The following EHBP1 variants were observed in gnomAD, a reference collection of about 807,000 sequenced individuals.
EHBP1 encodes EH domain binding protein 1, also known as EH domain-binding protein 1.
In EHBP1, 55 loss-of-function variants were observed where a neutral mutation model predicts 144.0. That is an observed-to-expected ratio of 0.38 (90% CI 0.31 to 0.48). EHBP1 has a LOEUF of 0.48. Ranked by LOEUF, EHBP1 falls within the 20% of genes least tolerant of loss-of-function variation. EHBP1 has a pLI of 0.98. For missense variants in EHBP1, 1,200 were observed against 1,364.2 expected (o/e 0.88, Z 1.90); for synonymous variants, 469 against 472.7 (o/e 0.99, Z 0.10).
intron 2 of EHBP1, among the ~76,000 whole-genome samples, chr2:62,743,150 G>A (rs1432286570): frequency 6.6e-6 from 1 of 151,932 alleles, no homozygotes; most frequent in African/African-American, 2.4e-5. Flanking sequence ...CCTAAGCATT[G>A]TCCTATGTTT....
chr2:62,985,845 A>G (rs2059164542), intron 15 of EHBP1, among the ~76,000 whole-genome samples: 1 of 152,150 alleles, frequency 6.6e-6, no homozygotes, highest in Non-Finnish European at 1.5e-5. Context: ...TCTGTACCTT[A>G]TTTTTATCCA....
At chr2:63,042,175 A>C (rs879816197) in intron 21 of EHBP1, among the ~76,000 whole-genome samples, 7 of 152,086 alleles carry the variant, frequency 4.6e-5, no homozygotes, top group Non-Finnish European at 1.0e-4. Context: ...AGTTTGTCCA[A>C]GCCAAAGTCA....
At chr2:63,034,536 T>C (rs1274258896) in intron 19 of EHBP1, among the ~76,000 whole-genome samples, 3 of 152,070 alleles carry the variant, frequency 2.0e-5, no homozygotes, top group Non-Finnish European at 2.9e-5. Flanking sequence ...TAAGCTACAA[T>C]GTAAAGTGCT....
intron 1 of EHBP1, among the ~76,000 whole-genome samples, chr2:62,684,445 G>A (rs576472803): frequency 2.6e-5 from 4 of 152,252 alleles, no homozygotes; most frequent in South Asian, 4.1e-4. Flanking sequence ...TGAAAAGTCG[G>A]TTCTTCAAGG....
intron 10 of EHBP1, among the ~76,000 whole-genome samples, chr2:62,901,826 C>T (rs1344286236): frequency 3.3e-5 from 5 of 151,842 alleles, no homozygotes; most frequent in African/African-American, 9.7e-5. Flanking sequence ...ATCAGCAGGG[C>T]GTGGCAGCGA....
chr2:62,964,310 A>C (rs1049232112), intron 14 of EHBP1, among the ~76,000 whole-genome samples: 1 of 151,888 alleles, frequency 6.6e-6, no homozygotes, highest in Non-Finnish European at 1.5e-5. Flanking sequence ...CATCAGAAAC[A>C]CTCCTTTTAT....
At position 62,780,230 on chromosome 2, in the gene EHBP1, T is replaced by C. The variant is rs77444061; in HGVS notation, c.312+8838T>C. 7.0e-4 allele frequency among the ~76,000 whole-genome samples: 106 copies of C among 152,282 alleles called. 2 individuals carry two copies. In the East Asian group the frequency reaches 0.019, roughly 27 times the overall value. ...ACTATATAAGAAGCAACAAAGCTTCTCTTATAACCCCCTCAGAATTAAACT... is the reference window on the plus strand; with the variant it reads ...ACTATATAAGAAGCAACAAAGCTTCCCTTATAACCCCCTCAGAATTAAACT... On this transcript the variant is annotated intron_variant, in intron 5 of 22. Coordinates refer to ENST00000431489, the MANE Select transcript of EHBP1 (RefSeq NM_001142616.3).
chr2:62,952,562 G>C (rs1213696447), intron 13 of EHBP1, among the ~76,000 whole-genome samples: 1 of 152,114 alleles, frequency 6.6e-6, no homozygotes, highest in Admixed American at 6.5e-5. Context: ...CCATTTGGGT[G>C]CCTAATACAT....
chr2:62,681,792 G>A (rs2033539964), intron 1 of EHBP1, among the ~76,000 whole-genome samples: 1 of 152,148 alleles, frequency 6.6e-6, no homozygotes, highest in Non-Finnish European at 1.5e-5. Context: ...AGGGAACTTG[G>A]GCCAGGGTAA....
intron 10 of EHBP1, among the ~76,000 whole-genome samples, chr2:62,914,533 C>A (rs1380795779): frequency 1.3e-5 from 2 of 151,956 alleles, no homozygotes; most frequent in Non-Finnish European, 1.5e-5. Flanking sequence ...ATAATCTCCC[C>A]AGTCAATGTT....
At chr2:63,029,831 C>T (rs575284113) in intron 19 of EHBP1, among the ~76,000 whole-genome samples, 2 of 152,108 alleles carry the variant, frequency 1.3e-5, no homozygotes, top group African/African-American at 2.4e-5. Context: ...CAGATTCAAG[C>T]GATTCTTCTG....
Position 62,926,683 on chromosome 2 carries a change from C to A in EHBP1, c.1186-16035C>A, listed in dbSNP as rs577104655. ...ATCAAAAAGACAAAAACAACAACAA[C>A]AAAAAAACAAATGCTGGAGAGGATG... On this transcript the variant is annotated intron_variant, in intron 10 of 22. Coordinates refer to ENST00000431489, the MANE Select transcript of EHBP1 (RefSeq NM_001142616.3). Among the ~76,000 whole-genome samples the A allele has an allele frequency of 8.6e-5, 13 of 151,806 alleles. No individual in the cohort carries two copies. The East Asian group carries it at 1.2e-3, about 14-fold the overall frequency.
intron 3 of EHBP1, among the ~76,000 whole-genome samples, chr2:62,760,100 A>G (rs1450112092): frequency 1.2e-4 from 19 of 152,146 alleles, no homozygotes; most frequent in Non-Finnish European, 2.8e-4. Flanking sequence ...AGCCCTCCAC[A>G]TATGCAGGTT....
chr2:62,737,244 A>G (rs1047467716), intron 2 of EHBP1, among the ~76,000 whole-genome samples: 1 of 152,162 alleles, frequency 6.6e-6, no homozygotes, highest in Non-Finnish European at 1.5e-5. Flanking sequence ...ATAATTCAAA[A>G]TGGTTTATTT....
chr2:62,771,417 C>G lies in EHBP1; in HGVS notation c.312+25C>G, dbSNP rs933017912. On this transcript the variant is annotated intron_variant, in intron 5 of 22. Coordinates refer to ENST00000431489, the MANE Select transcript of EHBP1 (RefSeq NM_001142616.3). ...TGTAAGCTAATGGCAAATTCCTTCA[C>G]CTTTCACATTTTCAACTTTATATAT... The G allele has an allele frequency of 5.8e-6, 9 of 1,553,686 alleles. No individual in the cohort carries two copies. In the African/African-American group the frequency reaches 6.9e-5, roughly 12 times the overall value.
intron 1 of EHBP1, among the ~76,000 whole-genome samples, chr2:62,674,439 G>A (rs981745659): frequency 2.0e-5 from 3 of 152,198 alleles, no homozygotes; most frequent in Non-Finnish European, 4.4e-5. Flanking sequence ...CATCAGTGCT[G>A]TATCGAGTTG....
At chr2:62,992,029 A>T (rs2059434476) in intron 16 of EHBP1, among the ~76,000 whole-genome samples, 1 of 152,194 alleles carries the variant, frequency 6.6e-6, no homozygotes, top group Non-Finnish European at 1.5e-5. Context: ...CCTAAGAATA[A>T]TACAATAGAT....
rs193281656 is a variant in EHBP1, at chr2:62,791,506, G to A, written c.312+20114G>A. 7.2e-5 allele frequency among the ~76,000 whole-genome samples: 11 copies of A among 151,804 alleles called. No individual in the cohort carries two copies. In the East Asian group the frequency reaches 2.1e-3, roughly 29 times the overall value. On this transcript the variant is annotated intron_variant, in intron 5 of 22. Transcript: ENST00000431489. ...AATCATACACTTTGCTAATATTTTT[G>A]GAAAATACATTTTTGAATAATATAA...
At chr2:62,983,456 A>G (rs965845208) in intron 15 of EHBP1, among the ~76,000 whole-genome samples, 1 of 152,054 alleles carries the variant, frequency 6.6e-6, no homozygotes, top group Non-Finnish European at 1.5e-5. Flanking sequence ...TATATGATAC[A>G]TATTTTGTTA....
Sources: allele counts gnomAD v4.1 joint callset (sites outside exome capture counted in the v4.1 genomes callset), GRCh38; gene constraint gnomAD v4.1.1; transcripts MANE v1.5; gene names NCBI Gene and HGNC (gene_info 2026-07-23, HGNC 2026-07-21).